FAM111A: variants seen among roughly 807,000 people sequenced by gnomAD.
FAM111A encodes the protein serine protease FAM111A.
In FAM111A, 8 loss-of-function variants were observed where a neutral mutation model predicts 3.3. That is an observed-to-expected ratio of 2.39 (90% CI 1.40 to 4.32). FAM111A has a LOEUF of 4.32. Among genes scored for constraint, FAM111A ranks in the 30% most tolerant of loss-of-function variants. The pLI, the probability that FAM111A is intolerant of heterozygous loss-of-function variation, is 0.00. For missense variants in FAM111A, 683 were observed against 727.6 expected (o/e 0.94, Z 0.71); for synonymous variants, 227 against 243.1 (o/e 0.93, Z 0.62).
intron 5 of FAM111A, among the ~76,000 whole-genome samples, chr11:59,149,891 A>G (rs947857101): frequency 1.3e-5 from 2 of 152,174 alleles, no homozygotes; most frequent in African/African-American, 4.8e-5. Flanking sequence ...TTATCATATC[A>G]AACCATTGTA....
chr11:59,148,390 T>A (rs192248488), intron 4 of FAM111A: 2 of 153,088 alleles, frequency 1.3e-5, no homozygotes, highest in African/African-American at 4.8e-5. Context: ...TTAACATCAA[T>A]GTAACTAGAA....
At position 59,152,960 on chromosome 11, in the gene FAM111A, T is replaced by C; in HGVS notation, c.1292T>C (p.Phe431Ser). The change falls in exon 6 of 6, where the codon TTT (phenylalanine) becomes TCT (serine). Residue 431 changes from phenylalanine (F) to serine (S), a missense_variant. Physicochemically the swap from Phe to Ser is radical, Grantham distance 155. Coordinates refer to ENST00000675163, the MANE Select transcript of FAM111A (RefSeq NM_001312909.2). The part of the protein sequence containing the change: ...ETNYFFVEPW[F>S]EIHNEELDYA... ...AACTACTTTTTTGTTGAACCTTGGT[T>C]TGAGATACATAATGAAGAGCTTGAC... 1 of 1,614,128 alleles carries C rather than the reference T, an allele frequency of 6.2e-7. No individual in the cohort carries two copies. Among genetic ancestry groups the C allele is most frequent in the Non-Finnish European group, 8.5e-7 (1 of 1,180,040 alleles).
chr11:59,148,692 C>G (rs1861259717), intron 4 of FAM111A, 105 bp from the exon 5 acceptor site: 1 of 548,614 alleles, frequency 1.8e-6, no homozygotes, highest in Middle Eastern at 3.3e-4. Flanking sequence ...AATAAACTAT[C>G]TATTTGCTAA....
Position 59,154,248 on chromosome 11 carries a change from G to A in FAM111A, c.*744G>A, listed in dbSNP as rs1423271481. 6.6e-6 allele frequency: 1 copy of A among 152,034 alleles called. No individual in the cohort carries two copies. The highest frequency in any genetic ancestry group is 1.5e-5 in the Non-Finnish European group (1 of 68,010). The allele number at this position is 152,034 out of a possible 1,614,324, so 9.4% of individuals were successfully genotyped here. A position where few individuals can be genotyped will look rare whatever the true frequency, so the allele number is the denominator to read the frequency against. ...CAGGTCAATAAGTTGCAAAAGTTGG[G>A]GCTGCAATTAATGCTAACATAAGAG... On this transcript the variant is annotated 3_prime_UTR_variant, in exon 6 of 6. Transcript: ENST00000675163.
intron 4 of FAM111A, chr11:59,148,526 C>T: frequency 4.7e-6 from 1 of 210,938 alleles, no homozygotes; most frequent in East Asian, 1.1e-4. Flanking sequence ...CTTTCCCCAT[C>T]AGCAAAGTGT....
chr11:59,144,587 C>T (rs1860571409), intron 3 of FAM111A: 1 of 152,250 alleles, frequency 6.6e-6, no homozygotes, highest in African/African-American at 2.4e-5. Flanking sequence ...CACGCTGGCT[C>T]TGGGGATTAG....
chr11:59,145,787 C>T (rs756555220), intron 3 of FAM111A, 40 bp from the exon 4 acceptor site: 13 of 152,098 alleles, frequency 8.5e-5, no homozygotes, highest in Non-Finnish European at 1.6e-4. Flanking sequence ...TGCAACATAG[C>T]CCAGTTCCGC....
Position 59,152,964 on chromosome 11 carries a change from G to A in FAM111A, c.1296G>A (p.Glu432=), listed in dbSNP as rs147219534. Residue 432 remains glutamate, a synonymous_variant, in exon 6 of 6, where the codon GAG becomes GAA. Transcript: ENST00000675163. ...TNYFFVEPWF[E]IHNEELDYAV... Reference sequence around the variant, plus strand: ...ACTTTTTTGTTGAACCTTGGTTTGAGATACATAATGAAGAGCTTGACTATG... The same window carrying A: ...ACTTTTTTGTTGAACCTTGGTTTGAAATACATAATGAAGAGCTTGACTATG... 318 of 1,614,130 alleles carry A rather than the reference G, an allele frequency of 2.0e-4. 2 individuals are homozygous for A. In the African/African-American group the frequency reaches 4.1e-3, roughly 21 times the overall value.
Position 59,152,108 on chromosome 11 carries a change from T to G in FAM111A, c.440T>G (p.Phe147Cys). Reference sequence around the variant, plus strand: ...AACCTTGGAATGCCCCTCAGTTGTTTCCCTGAAGGTGGCCAGGTGGTCATT... The same window carrying G: ...AACCTTGGAATGCCCCTCAGTTGTTGCCCTGAAGGTGGCCAGGTGGTCATT... ...YINLGMPLSC[F>C]PEGGQVVITF... The change falls in exon 6 of 6, where the codon TTC (phenylalanine) becomes TGC (cysteine). Residue 147 changes from phenylalanine (F) to cysteine (C), a missense_variant. Physicochemically the swap from Phe to Cys is radical, Grantham distance 205. This residue lies in a region of FAM111A where 557 missense variants were observed against 600.2 expected (regional missense o/e 0.93). Coordinates refer to ENST00000675163, the MANE Select transcript of FAM111A (RefSeq NM_001312909.2). 2 of 1,614,128 alleles carry G rather than the reference T, an allele frequency of 1.2e-6. No individual in the cohort carries two copies. Among genetic ancestry groups the G allele is most frequent in the Non-Finnish European group, 1.7e-6 (2 of 1,180,026 alleles).
rs751433614 is a variant in FAM111A, at chr11:59,148,951, C to A, written c.79C>A (p.Pro27Thr). The A allele has an allele frequency of 4.4e-6, 7 of 1,607,520 alleles. No individual in the cohort carries two copies. Among genetic ancestry groups the A allele is most frequent in the African/African-American group, 1.3e-5 (1 of 74,792 alleles). ...TATGAAAATCGAGCACTATTTTTCT[C>A]CGGTATGTCTGTAAATTCTACTTAT... The part of the protein sequence containing the change: ...CNMKIEHYFS[P>T]VSKEQQNNCS... The change falls in exon 5 of 6, where the codon CCG becomes ACG. Residue 27 changes from proline (P) to threonine (T), a missense_variant and splice_region_variant. Physicochemically the swap from Pro to Thr is conservative, Grantham distance 38. Transcript: ENST00000675163.
At chr11:59,144,213 C>A (rs1003060577) in intron 3 of FAM111A, 3 of 152,368 alleles carry the variant, frequency 2.0e-5, no homozygotes, top group African/African-American at 7.2e-5. Flanking sequence ...TTCTTGGAGG[C>A]TCCAGCAAGA....
At chr11:59,151,719 G>T in intron 5 of FAM111A, 31 bp from the exon 6 acceptor site, 2 of 1,475,004 alleles carry the variant, frequency 1.4e-6, no homozygotes, top group South Asian at 2.7e-5. Context: ...GTTGCATTCA[G>T]AGTTTTAAAG....
chr11:59,146,783 A>G (rs1185989982), intron 4 of FAM111A, among the ~76,000 whole-genome samples: 1 of 152,210 alleles, frequency 6.6e-6, no homozygotes, highest in African/African-American at 2.4e-5. Context: ...GAAACAACCC[A>G]GGAGGTGAAC....
At chr11:59,147,278 A>G (rs74816152) in intron 4 of FAM111A, among the ~76,000 whole-genome samples, 6,446 of 152,296 alleles carry the variant, frequency 0.042, 199 homozygotes, top group Non-Finnish European at 0.067. Flanking sequence ...TCTGAGCACC[A>G]TCAAGGATCC....
At position 59,154,798 on chromosome 11, in the gene FAM111A, T is replaced by C. The variant is rs1456338898; in HGVS notation, c.*1294T>C. On this transcript the variant is annotated 3_prime_UTR_variant, in exon 6 of 6. Coordinates refer to ENST00000675163, the MANE Select transcript of FAM111A (RefSeq NM_001312909.2). ...TGTTTGACTCCTGCATACCAAGATATTCTGCAGCAATGTCTTTAAACAGTG... is the reference window on the plus strand; with the variant it reads ...TGTTTGACTCCTGCATACCAAGATACTCTGCAGCAATGTCTTTAAACAGTG... 6.5e-6 allele frequency: 1 copy of C among 152,976 alleles called. No homozygotes were observed. The highest frequency in any genetic ancestry group is 1.5e-5 in the Non-Finnish European group (1 of 68,038). 9.5% of individuals were successfully genotyped at this position (152,976 alleles called of 1,614,324 possible). A position where few individuals can be genotyped will look rare whatever the true frequency, so the allele number is the denominator to read the frequency against.
intron 3 of FAM111A, chr11:59,144,676 C>T (rs891882448): frequency 6.6e-6 from 1 of 152,224 alleles, no homozygotes; most frequent in African/African-American, 2.4e-5. Context: ...GCTGTAGCTA[C>T]CTGAGGTTTA....
chr11:59,146,252 T>C (rs1860884263), intron 4 of FAM111A, among the ~76,000 whole-genome samples: 1 of 152,152 alleles, frequency 6.6e-6, no homozygotes, highest in Non-Finnish European at 1.5e-5. Context: ...GCCCAGCTAA[T>C]TTTTAATTCT....
intron 4 of FAM111A, among the ~76,000 whole-genome samples, chr11:59,147,403 T>C (rs1025780545): frequency 2.6e-5 from 4 of 152,352 alleles, no homozygotes; most frequent in South Asian, 2.1e-4. Flanking sequence ...TGCTTCTACA[T>C]GTTGTTGTTT....
chr11:59,146,090 G>A (rs545857939), intron 4 of FAM111A, among the ~76,000 whole-genome samples: 20 of 151,456 alleles, frequency 1.3e-4, no homozygotes, highest in African/African-American at 3.7e-4. Context: ...CAGAGAGAGA[G>A]AGAGAGAGAT....
Sources: allele counts gnomAD v4.1 joint callset (sites outside exome capture counted in the v4.1 genomes callset), GRCh38; gene constraint gnomAD v4.1.1; regional missense constraint gnomAD v4.1.1; transcripts MANE v1.5; gene names NCBI Gene and HGNC (gene_info 2026-07-23, HGNC 2026-07-21).